Variants in SBNO2 observed in about 807,000 individuals in gnomAD.
SBNO2 encodes the protein strawberry notch homolog 2.
In SBNO2, 89 loss-of-function variants were observed where a neutral mutation model predicts 146.3. The observed-to-expected ratio is 0.61, with a 90% CI of 0.51 to 0.73. The LOEUF is 0.73. Ranked by LOEUF, SBNO2 falls within the 30% of genes least tolerant of loss-of-function variation. SBNO2 has a pLI of 0.00. For missense variants in SBNO2, 2,092 were observed against 2,003.7 expected, an observed-to-expected ratio of 1.04 and a Z score of -0.84; for synonymous variants, 1,147 against 892.6, an observed-to-expected ratio of 1.29 and a Z score of -5.08.
At chr19:1,131,810 C>A (rs1230770730) in intron 4 of SBNO2, among the ~76,000 whole-genome samples, 1 of 152,250 alleles carries the variant, frequency 6.6e-6, no homozygotes, top group African/African-American at 2.4e-5. Flanking sequence ...CAGGGCTGAG[C>A]CCGACCCCCC....
chr19:1,109,293 C>A lies in SBNO2; in HGVS notation c.3347G>T (p.Arg1116Leu), dbSNP rs201689400. The change falls in exon 29 of 32, where the codon CGG becomes CTG. Residue 1116 changes from arginine (R) to leucine (L), a missense_variant and splice_region_variant. Transcript: ENST00000361757. The surrounding 1 kb of genome is among the most constrained non-coding windows in gnomAD (Gnocchi z 4.2). ...ALDSLRRKFH[R>L]VTAEEAKEPW... is the part of the protein sequence containing the mutation. The stretch of plus-strand genomic sequence containing the variant: ...AAGCTGCGCCCGGCGGCCGCCTACC[C>A]GGTGGAACTTGCGGCGGAGGCTGTC... The A allele has an allele frequency of 7.9e-5, 126 of 1,593,662 alleles. No individual in the cohort carries two copies. The highest frequency in any genetic ancestry group is 2.1e-5 in the Non-Finnish European group (25 of 1,171,174).
Position 1,116,900 on chromosome 19 carries a change from C to A in SBNO2, c.1731G>T (p.Thr577=). ...GCACCTCCCGCGTGCGCGCCTCGCCCGTGGACTGCAGCCCGATGACCACGC... is the reference window on the plus strand; with the variant it reads ...GCACCTCCCGCGTGCGCGCCTCGCCAGTGGACTGCAGCCCGATGACCACGC... ...DKCVVIGLQS[T]GEARTREVLG... Residue 577 remains threonine, a synonymous_variant, in exon 16 of 32, where the codon ACG becomes ACT. Transcript: ENST00000361757. 6.4e-7 allele frequency: 1 copy of A among 1,568,534 alleles called. No homozygotes were observed.
In SBNO2 at chr19:1,108,265, C is replaced by G; in HGVS notation, c.4056G>C (p.Val1352=). The part of the protein sequence containing the change: ...AAGGGPERQS[V]IQFSPPFPGA... ...CGGGGAAGGGTGGGCTGAACTGGAT[C>G]ACGCTCTGCCGCTCGGGACCACCGC... Residue 1352 remains valine (V), a synonymous_variant, in exon 32 of 32, where the codon GTG becomes GTC. Coordinates refer to ENST00000361757, the MANE Select transcript of SBNO2 (RefSeq NM_014963.3). The G allele has an allele frequency of 6.6e-7, 1 of 1,521,796 alleles. No individual in the cohort carries two copies. Among genetic ancestry groups the G allele is most frequent in the Non-Finnish European group, 8.8e-7 (1 of 1,132,952 alleles). The allele number at this position is 1,521,796 out of a possible 1,614,324, so 94.3% of individuals were successfully genotyped here. A position where few individuals can be genotyped will look rare whatever the true frequency, so the allele number is the denominator to read the frequency against.
chr19:1,135,740 A>G (rs1482157957), intron 4 of SBNO2, among the ~76,000 whole-genome samples: 4 of 152,096 alleles, frequency 2.6e-5, no homozygotes, highest in African/African-American at 9.7e-5. Context: ...CCTGCATTAC[A>G]GGGAGGGAAA....
At chr19:1,168,450 T>C (rs1301424227) in intron 1 of SBNO2, among the ~76,000 whole-genome samples, 1 of 152,054 alleles carries the variant, frequency 6.6e-6, no homozygotes, top group Admixed American at 6.5e-5. Context: ...GTGAAAACAT[T>C]CTGGTCACAG....
At chr19:1,147,544 C>G (rs986775873) in intron 3 of SBNO2, 124 bp from the exon 4 acceptor site, 8 of 556,824 alleles carry the variant, frequency 1.4e-5, no homozygotes, top group African/African-American at 1.4e-4. Context: ...GTGCCCAGCC[C>G]GGCAGGACCC....
intron 14 of SBNO2, 107 bp from the exon 15 acceptor site, chr19:1,117,606 G>A (rs1180988073): frequency 1.0e-5 from 12 of 1,170,656 alleles, no homozygotes; most frequent in Non-Finnish European, 1.4e-5. Flanking sequence ...CACGCCAGGT[G>A]GAATTTAGGG....
intron 2 of SBNO2, among the ~76,000 whole-genome samples, chr19:1,153,238 ATTTT>A (rs369226371): frequency 6.7e-5 from 10 of 148,364 alleles, no homozygotes; most frequent in African/African-American, 2.2e-4. Context: ...TAATTTAAAA[ATTTT>A]TTTTTTTCTT....
intron 13 of SBNO2, 72 bp downstream of exon 13, chr19:1,119,444 C>A: frequency 8.0e-7 from 1 of 1,256,796 alleles, no homozygotes; most frequent in Non-Finnish European, 1.1e-6. Context: ...AGTGCCAGGC[C>A]TTGGGCTGAT....
intron 12 of SBNO2, 35 bp from the exon 13 acceptor site, chr19:1,119,656 G>A (rs780576533): frequency 3.7e-5 from 57 of 1,553,834 alleles, no homozygotes; most frequent in African/African-American, 1.8e-4. Flanking sequence ...TCCCCAACCC[G>A]GGAGGGCCCA....
Position 1,147,427 on chromosome 19 carries a change from G to GT in SBNO2, c.168-8_168-7insA. The GT allele has an allele frequency of 7.7e-7, 1 of 1,297,932 alleles. No individual in the cohort carries two copies. The highest frequency in any genetic ancestry group is 1.0e-6 in the Non-Finnish European group (1 of 975,912). 80.4% of individuals were successfully genotyped at this position (1,297,932 alleles called of 1,614,324 possible). A position where few individuals can be genotyped will look rare whatever the true frequency, so the allele number is the denominator to read the frequency against. Reference sequence around the variant, plus strand: ...GGCGGAGCTCATGAACGGGCTGGAGGGAGATGGGGGGGGGGGAGGTGAGAT... The same window carrying GT: ...GGCGGAGCTCATGAACGGGCTGGAGGTGAGATGGGGGGGGGGGAGGTGAGAT... On this transcript the variant is annotated splice_region_variant and splice_polypyrimidine_tract_variant and intron_variant, in intron 3 of 31. Coordinates refer to ENST00000361757, the MANE Select transcript of SBNO2 (RefSeq NM_014963.3).
chr19:1,173,284 G>C lies in SBNO2; in HGVS notation c.-127+888C>G. Among the ~76,000 whole-genome samples, 1 of 149,688 alleles carries C rather than the reference G, an allele frequency of 6.7e-6. No individual in the cohort carries two copies. The highest frequency in any genetic ancestry group is 1.5e-5 in the Non-Finnish European group (1 of 68,004). ...CACACGCTGCTCCCGGGCCCCACTCGGGCCATCTCAGCCCGCTACCCTCCC... is the reference window on the plus strand; with the variant it reads ...CACACGCTGCTCCCGGGCCCCACTCCGGCCATCTCAGCCCGCTACCCTCCC... On this transcript the variant is annotated intron_variant, in intron 1 of 31. Coordinates refer to ENST00000361757, the MANE Select transcript of SBNO2 (RefSeq NM_014963.3). This position sits in a 1 kb window ranked among gnomAD's most constrained non-coding sequence, Gnocchi z 4.7.
rs1387136397 is a variant in SBNO2 at position 1,108,868 on chromosome 19, C to T, written c.3527G>A (p.Gly1176Asp). Residue 1176 changes from glycine to aspartate, a missense_variant, in exon 31 of 32, where the codon GGC (glycine) becomes GAC (aspartate). Gly to Asp is a moderately conservative substitution (Grantham distance 94). Transcript: ENST00000361757. ...GTCGGCCATGACGGCGGCGATGCGG[C>T]CCCACACGCGCAGCAGCGCGCCGCA... is the stretch of plus-strand genomic sequence containing the variant. ...MLCGALLRVWGRIAAVMADVS... is the reference protein window; with the variant it reads ...MLCGALLRVWDRIAAVMADVS... The T allele has an allele frequency of 1.3e-6, 2 of 1,594,180 alleles. No individual in the cohort carries two copies. Among genetic ancestry groups the T allele is most frequent in the East Asian group, 2.2e-5 (1 of 44,502 alleles).
chr19:1,113,738 G>A (rs780405938), intron 18 of SBNO2, 34 bp from the exon 19 acceptor site: 15 of 1,453,814 alleles, frequency 1.0e-5, no homozygotes, highest in South Asian at 1.4e-5. Flanking sequence ...GGCAGGACAT[G>A]TTGGCTGCCT....
rs925393162 is a variant in SBNO2, at chr19:1,112,589, G to C, written c.2380-52C>G. ...CGGTTGGTGCAAGGCCCGCCCCAGC[G>C]TTGCCGCCACCTCCTCACCCACTAG... On this transcript the variant is annotated intron_variant, in intron 20 of 31. Coordinates refer to ENST00000361757, the MANE Select transcript of SBNO2 (RefSeq NM_014963.3). The surrounding 1 kb of genome is among the most constrained non-coding windows in gnomAD (Gnocchi z 5.9). The C allele has an allele frequency of 2.6e-5, 40 of 1,523,822 alleles. No individual in the cohort carries two copies. The highest frequency in any genetic ancestry group is 2.3e-4 in the Middle Eastern group (1 of 4,282). 94.4% of individuals were successfully genotyped at this position (1,523,822 alleles called of 1,614,324 possible). A position where few individuals can be genotyped will look rare whatever the true frequency, so the allele number is the denominator to read the frequency against.
At chr19:1,139,835 C>T (rs933645727) in intron 4 of SBNO2, among the ~76,000 whole-genome samples, 1 of 152,046 alleles carries the variant, frequency 6.6e-6, no homozygotes. Context: ...ATCCCAGCTA[C>T]TCAGGAGGCT....
Position 1,161,906 on chromosome 19 carries a change from CGGGGGGGGGG to C in SBNO2, c.-126-7514_-126-7505del, listed in dbSNP as rs916715232. Among the ~76,000 whole-genome samples, 9 of 1,344 alleles carry C rather than the reference CGGGGGGGGGG, an allele frequency of 6.7e-3. 3 individuals carry two copies. The highest frequency in any genetic ancestry group is 0.059 in the South Asian group (4 of 68). The allele number at this position is 1,344 out of a possible 152,430, so 0.9% of individuals were successfully genotyped here. On this transcript the variant is annotated intron_variant, in intron 1 of 31. Transcript: ENST00000361757. ...ATCCACTCCCTTCCCTGGGGAGCCG[CGGGGGGGGGG>C]GGGGGGGGGTTGGGCCAGGCCTGCG...
intron 1 of SBNO2, among the ~76,000 whole-genome samples, chr19:1,161,051 G>A (rs560225878): frequency 4.6e-4 from 63 of 138,370 alleles, no homozygotes; most frequent in African/African-American, 1.7e-3. Flanking sequence ...GCCAGACCGG[G>A]AGCACCGGGA....
intron 7 of SBNO2, 143 bp from the exon 8 acceptor site, chr19:1,123,188 C>G (rs1406337941): frequency 6.1e-6 from 6 of 975,642 alleles, no homozygotes; most frequent in Non-Finnish European, 9.1e-6. Context: ...TTGGGCGGGT[C>G]ATGGGCGTGG....
Sources: gnomAD v4.1 joint callset for allele counts (sites outside exome capture counted in the v4.1 genomes callset) on GRCh38, gnomAD v4.1.1 for gene constraint, Gnocchi (gnomAD v3.1) non-coding constraint, MANE v1.5 for transcripts, NCBI Gene and HGNC (gene_info 2026-07-23, HGNC 2026-07-21) for gene names.